The following UNC13C variants were observed in gnomAD, a reference collection of about 807,000 sequenced individuals.
UNC13C encodes the protein unc-13 homolog C.
In UNC13C, 174 loss-of-function variants were observed where a neutral mutation model predicts 245.4. The observed-to-expected ratio is 0.71, with a 90% CI of 0.63 to 0.80. The LOEUF (loss-of-function observed/expected upper bound fraction) is 0.80, where lower values mean the gene tolerates loss of function less well. UNC13C is among the 30% of genes least tolerant of loss of function. UNC13C has a pLI of 0.00. For missense variants in UNC13C, 2,829 were observed against 2,602.9 expected, an observed-to-expected ratio of 1.09 and a Z score of -1.89; for synonymous variants, 992 against 895.1, an observed-to-expected ratio of 1.11 and a Z score of -1.93.
chr15:54,612,723 G>C lies in UNC13C; in HGVS notation c.6107-9604G>C, dbSNP rs557813306. On this transcript the variant is annotated intron_variant, in intron 30 of 32. Transcript: ENST00000260323. ...CATGTGTTATTGTTGCAAACGAAGTGGATATTTTTGAAAAATCACATTTTA... is the reference window on the plus strand; with the variant it reads ...CATGTGTTATTGTTGCAAACGAAGTCGATATTTTTGAAAAATCACATTTTA... Among the ~76,000 whole-genome samples the C allele has an allele frequency of 2.2e-4, 34 of 151,968 alleles. No individual in the cohort carries two copies. In the South Asian group the frequency reaches 7.1e-3, roughly 32 times the overall value.
Position 54,549,623 on chromosome 15 carries a change from C to A in UNC13C, c.5821-12C>A. 6.3e-7 allele frequency: 1 copy of A among 1,592,622 alleles called. No homozygotes were observed. The highest frequency in any genetic ancestry group is 8.6e-7 in the Non-Finnish European group (1 of 1,169,530). ...AAGACTGAGTCTTCTCTCACTTTTT[C>A]TTTGTTTCTAGGGACCCCAGATGAT... is the stretch of plus-strand genomic sequence containing the variant. On this transcript the variant is annotated splice_polypyrimidine_tract_variant and intron_variant, in intron 27 of 32. Coordinates refer to ENST00000260323, the MANE Select transcript of UNC13C (RefSeq NM_001080534.3).
At chr15:54,155,288 T>C (rs1379519773) in intron 4 of UNC13C, among the ~76,000 whole-genome samples, 1 of 152,118 alleles carries the variant, frequency 6.6e-6, no homozygotes, top group African/African-American at 2.4e-5. Context: ...CCAAACTTGA[T>C]TATATGATGG....
At chr15:54,180,566 G>C (rs527920004) in intron 4 of UNC13C, among the ~76,000 whole-genome samples, 2 of 152,158 alleles carry the variant, frequency 1.3e-5, no homozygotes, top group South Asian at 4.1e-4. Flanking sequence ...AGCTATTTCA[G>C]AAATTGCCAA....
At chr15:54,351,501 C>A (rs1220449096) in intron 17 of UNC13C, among the ~76,000 whole-genome samples, 2 of 152,108 alleles carry the variant, frequency 1.3e-5, no homozygotes, top group African/African-American at 4.8e-5. Context: ...GGCTTGCGCT[C>A]CTCTTCCCCA....
At chr15:54,265,977 G>T (rs2036540896) in intron 10 of UNC13C, among the ~76,000 whole-genome samples, 1 of 151,834 alleles carries the variant, frequency 6.6e-6, no homozygotes. Context: ...ATTCCACGAG[G>T]GCATTTATTT....
At chr15:53,882,783 A>C in the UNC13C span, among the ~76,000 whole-genome samples, 7 of 152,306 alleles carry the variant, frequency 4.6e-5, no homozygotes, top group East Asian at 1.2e-3. Context: ...AGCATTAAAT[A>C]GTTAAACAGC....
chr15:54,405,708 A>G (rs2040277620), intron 18 of UNC13C, among the ~76,000 whole-genome samples: 1 of 152,086 alleles, frequency 6.6e-6, no homozygotes, highest in South Asian at 2.1e-4. Flanking sequence ...TGAAAAATGG[A>G]GTGTTTCTCC....
At chr15:54,114,290 A>G (rs1358053430) in intron 2 of UNC13C, among the ~76,000 whole-genome samples, 1 of 152,168 alleles carries the variant, frequency 6.6e-6, no homozygotes, top group Non-Finnish European at 1.5e-5. Context: ...ATGAAATTGG[A>G]GTCTCCTTAT....
the UNC13C span, among the ~76,000 whole-genome samples, chr15:53,884,106 C>T: frequency 4.5e-4 from 6 of 13,364 alleles, no homozygotes; most frequent in Non-Finnish European, 8.0e-4. Context: ...ATTGTTGTTA[C>T]GATGGTTAAC....
chr15:54,126,515 T>C (rs953661705), intron 2 of UNC13C, among the ~76,000 whole-genome samples: 1 of 152,100 alleles, frequency 6.6e-6, no homozygotes, highest in Non-Finnish European at 1.5e-5. Context: ...TCCACAAATA[T>C]TGTTTGAGAC....
At chr15:54,376,473 C>A (rs1013891889) in intron 17 of UNC13C, among the ~76,000 whole-genome samples, 2 of 152,084 alleles carry the variant, frequency 1.3e-5, no homozygotes, top group South Asian at 2.1e-4. Flanking sequence ...ATAAAACTAG[C>A]TGCTAAATTA....
At chr15:54,320,960 A>G (rs1480281439) in intron 13 of UNC13C, 8 of 398,836 alleles carry the variant, frequency 2.0e-5, no homozygotes, top group South Asian at 1.4e-4. Context: ...CATTATATTC[A>G]TCCCCACTGC....
intron 13 of UNC13C, among the ~76,000 whole-genome samples, chr15:54,309,635 G>A (rs1426223377): frequency 1.3e-5 from 2 of 151,684 alleles, no homozygotes; most frequent in Non-Finnish European, 2.9e-5. Flanking sequence ...TTATAGTTTT[G>A]GGTCTTACAT....
intron 30 of UNC13C, among the ~76,000 whole-genome samples, chr15:54,576,076 G>A (rs1480844155): frequency 6.6e-6 from 1 of 152,214 alleles, no homozygotes; most frequent in African/African-American, 2.4e-5. Flanking sequence ...GTGAAGATAA[G>A]CAAACATCTT....
chr15:54,369,083 A>G (rs1417820546), intron 17 of UNC13C, among the ~76,000 whole-genome samples: 2 of 152,134 alleles, frequency 1.3e-5, no homozygotes, highest in African/African-American at 4.8e-5. Flanking sequence ...AATGAAAGGA[A>G]AAAATACATT....
At chr15:54,248,681 G>T (rs28756083) in intron 7 of UNC13C, among the ~76,000 whole-genome samples, 1 of 152,146 alleles carries the variant, frequency 6.6e-6, no homozygotes, top group African/African-American at 2.4e-5. Flanking sequence ...TTCCACTTGA[G>T]TGATGCCCGA....
intron 14 of UNC13C, among the ~76,000 whole-genome samples, chr15:54,324,276 A>T (rs1441293559): frequency 6.6e-6 from 1 of 152,046 alleles, no homozygotes; most frequent in Non-Finnish European, 1.5e-5. Context: ...TGATTCTGTC[A>T]TCTGGGACAC....
At chr15:54,309,835 A>G (rs926404142) in intron 13 of UNC13C, among the ~76,000 whole-genome samples, 7 of 151,732 alleles carry the variant, frequency 4.6e-5, no homozygotes, top group African/African-American at 1.7e-4. Flanking sequence ...TGGGCCCTCT[A>G]TTCTGTTCCA....
At chr15:53,889,288 T>A in the UNC13C span, among the ~76,000 whole-genome samples, 1 of 152,328 alleles carries the variant, frequency 6.6e-6, no homozygotes, top group East Asian at 1.9e-4. Context: ...GCTGTATTCC[T>A]AGGTATTTTA....
Sources: allele counts gnomAD v4.1 joint callset (sites outside exome capture counted in the v4.1 genomes callset), GRCh38; gene constraint gnomAD v4.1.1; transcripts MANE v1.5; gene names NCBI Gene and HGNC (gene_info 2026-07-23, HGNC 2026-07-21).